Variants in LPP observed in about 807,000 individuals in gnomAD.
LPP encodes LIM domain containing preferred translocation partner in lipoma.
Under a neutral mutation model 60.4 loss-of-function variants are expected in LPP, and 38 were observed. The observed-to-expected ratio is 0.63, with a 90% confidence interval of 0.49 to 0.83. LPP has a LOEUF of 0.83. LPP is among the 40% of genes least tolerant of loss of function. LPP has a pLI of 0.00. For synonymous variants in LPP, 328 were observed against 290.8 expected (o/e 1.13, Z -1.30); for missense variants, 902 against 783.6 (o/e 1.15, Z -1.80).
At chr3:188,381,801 T>G (rs180751199) in intron 3 of LPP, among the ~76,000 whole-genome samples, 2 of 152,254 alleles carry the variant, frequency 1.3e-5, no homozygotes, top group East Asian at 3.9e-4. Context: ...CAATATTTAA[T>G]TGACAATTAA....
At chr3:188,649,216 A>T (rs1228759539) in intron 7 of LPP, among the ~76,000 whole-genome samples, 1 of 152,242 alleles carries the variant, frequency 6.6e-6, no homozygotes, top group Non-Finnish European at 1.5e-5. Flanking sequence ...TACATTTAAA[A>T]TAGCTTTAAG....
chr3:188,444,940 C>A (rs1165233895), intron 4 of LPP, among the ~76,000 whole-genome samples: 1 of 152,176 alleles, frequency 6.6e-6, no homozygotes, highest in Non-Finnish European at 1.5e-5. Context: ...CAATGAGATA[C>A]CATCTCACGC....
At chr3:188,193,076 G>C (rs1205596919) in intron 1 of LPP, among the ~76,000 whole-genome samples, 1 of 152,180 alleles carries the variant, frequency 6.6e-6, no homozygotes, top group African/African-American at 2.4e-5. Context: ...TGTTGTGACA[G>C]GGCTTTCTTA....
chr3:188,872,846 T>G (rs1314496638), intron 11 of LPP, 83 bp downstream of exon 11: 1 of 1,572,202 alleles, frequency 6.4e-7, no homozygotes, highest in Non-Finnish European at 8.6e-7. Flanking sequence ...ATGTAGCAAT[T>G]ACTAAATCTC....
intron 2 of LPP, among the ~76,000 whole-genome samples, chr3:188,286,691 T>C (rs948327296): frequency 6.6e-6 from 1 of 152,152 alleles, no homozygotes; most frequent in African/African-American, 2.4e-5. Flanking sequence ...GCCAGCTAAC[T>C]TTATGAGGAT....
intron 2 of LPP, among the ~76,000 whole-genome samples, chr3:188,247,579 G>A (rs1474018251): frequency 2.6e-5 from 4 of 151,970 alleles, no homozygotes; most frequent in Admixed American, 6.6e-5. Flanking sequence ...CAAGGTGGGC[G>A]CCTGAGGTCT....
intron 6 of LPP, among the ~76,000 whole-genome samples, chr3:188,560,430 A>G (rs1830410342): frequency 6.6e-6 from 1 of 152,132 alleles, no homozygotes; most frequent in African/African-American, 2.4e-5. Context: ...TTCTCATGCT[A>G]CTACTGTTTC....
intron 1 of LPP, among the ~76,000 whole-genome samples, chr3:188,170,511 T>G (rs561958831): frequency 6.6e-6 from 1 of 152,098 alleles, no homozygotes; most frequent in South Asian, 2.1e-4. Flanking sequence ...TTTTGTATTT[T>G]TAGTAGAGAT....
intron 9 of LPP, among the ~76,000 whole-genome samples, chr3:188,790,646 C>A (rs1342504822): frequency 6.6e-6 from 1 of 151,864 alleles, no homozygotes; most frequent in Non-Finnish European, 1.5e-5. Context: ...CATGGTGAAA[C>A]CCTTGTCTCT....
At chr3:188,741,207 A>C (rs758220450) in intron 8 of LPP, among the ~76,000 whole-genome samples, 2 of 151,538 alleles carry the variant, frequency 1.3e-5, no homozygotes, top group Non-Finnish European at 3.0e-5. Context: ...TCCTTGATAC[A>C]CTTGGTCCCA....
chr3:188,613,306 A>ATATCTATATCTATATCTATATC (rs1553944262), intron 7 of LPP, among the ~76,000 whole-genome samples: 6 of 147,650 alleles, frequency 4.1e-5, no homozygotes, highest in Admixed American at 2.7e-4. Context: ...ATCTATATCT[A>ATATCTATATCTATATCTATATC]TATCTATATA....
At chr3:188,327,510 G>T (rs1232432157) in intron 2 of LPP, among the ~76,000 whole-genome samples, 2 of 152,158 alleles carry the variant, frequency 1.3e-5, no homozygotes, top group African/African-American at 4.8e-5. Context: ...GAGAGATACT[G>T]TCTTTTGAAG....
intron 1 of LPP, among the ~76,000 whole-genome samples, chr3:188,199,683 T>A (rs1268340516): frequency 6.6e-6 from 1 of 152,138 alleles, no homozygotes. Context: ...CGACTGCTTA[T>A]GTAACCCTGG....
chr3:188,262,735 C>T (rs1448696737), intron 2 of LPP, among the ~76,000 whole-genome samples: 1 of 151,284 alleles, frequency 6.6e-6, no homozygotes, highest in African/African-American at 2.4e-5. Context: ...CTCTGTCTCA[C>T]ACACACACAC....
chr3:188,649,343 G>C (rs1412088996), intron 7 of LPP, among the ~76,000 whole-genome samples: 1 of 152,134 alleles, frequency 6.6e-6, no homozygotes, highest in Admixed American at 6.6e-5. Flanking sequence ...TGGACAAAGG[G>C]GTTAGGATGA....
intron 1 of LPP, among the ~76,000 whole-genome samples, chr3:188,190,275 T>A (rs903627997): frequency 2.0e-5 from 3 of 152,122 alleles, no homozygotes; most frequent in African/African-American, 7.2e-5. Flanking sequence ...GTCAGGCTGG[T>A]CTTGAACTCC....
chr3:188,424,588 G>C (rs1788785846), intron 4 of LPP, among the ~76,000 whole-genome samples: 1 of 152,116 alleles, frequency 6.6e-6, no homozygotes, highest in Non-Finnish European at 1.5e-5. Context: ...CCATGAGCAT[G>C]GAATGGTTTT....
intron 9 of LPP, among the ~76,000 whole-genome samples, chr3:188,777,829 CT>C (rs1738326908): frequency 6.6e-6 from 1 of 152,128 alleles, no homozygotes. Context: ...TTGAATTAGC[CT>C]TTTAGAAATC....
intron 1 of LPP, among the ~76,000 whole-genome samples, chr3:188,173,147 G>T (rs1722055229): frequency 6.6e-6 from 1 of 152,176 alleles, no homozygotes; most frequent in Non-Finnish European, 1.5e-5. Flanking sequence ...GGGATTACAG[G>T]TGTAAGCCAC....
Sources: allele counts gnomAD v4.1 joint callset (sites outside exome capture counted in the v4.1 genomes callset), GRCh38; gene constraint gnomAD v4.1.1; transcripts MANE v1.5; gene names NCBI Gene and HGNC (gene_info 2026-07-23, HGNC 2026-07-21).